The following SHC3 variants were observed in gnomAD, a reference collection of about 807,000 sequenced individuals.
SHC3 encodes the protein SHC-transforming protein 3.
Under a neutral mutation model 60.4 loss-of-function variants are expected in SHC3, and 15 were observed. The observed-to-expected ratio is 0.25, with a 90% confidence interval of 0.17 to 0.38. The LOEUF (loss-of-function observed/expected upper bound fraction) is 0.38, where lower values mean the gene tolerates loss of function less well. Among genes scored for constraint, SHC3 ranks in the 10% least tolerant of loss-of-function variants. The probability of loss-of-function intolerance (pLI) is 1.00; values close to 1 mark genes in which losing one functional copy is unlikely to be tolerated. For synonymous variants in SHC3, 294 were observed against 325.9 expected, an observed-to-expected ratio of 0.90 and a Z score of 1.05; for missense variants, 677 against 786.1, an observed-to-expected ratio of 0.86 and a Z score of 1.66.
At chr9:89,155,331 C>T (rs920153643) in intron 1 of SHC3, among the ~76,000 whole-genome samples, 3 of 152,182 alleles carry the variant, frequency 2.0e-5, no homozygotes, top group Non-Finnish European at 4.4e-5. Flanking sequence ...CTTCTCTCTC[C>T]TTGCTCTTAC....
intron 7 of SHC3, among the ~76,000 whole-genome samples, chr9:89,051,154 G>A (rs893735769): frequency 8.5e-5 from 13 of 152,162 alleles, no homozygotes; most frequent in Non-Finnish European, 1.6e-4. Flanking sequence ...TCTGACTCTA[G>A]AACTAAGGCA....
At chr9:89,016,781 T>C (rs1399382680) in intron 11 of SHC3, among the ~76,000 whole-genome samples, 3 of 152,154 alleles carry the variant, frequency 2.0e-5, no homozygotes, top group Non-Finnish European at 4.4e-5. Flanking sequence ...TATTGGCAAA[T>C]TGAACCCAAC....
In SHC3 at chr9:89,162,944, G is replaced by T. The variant is rs1587764189; in HGVS notation, c.474+15043C>A. Among the ~76,000 whole-genome samples the T allele has an allele frequency of 2.9e-5, 4 of 137,168 alleles. 1 individual carries two copies. The Admixed American group carries it at 3.0e-4, about 10-fold the overall frequency. The allele number at this position is 137,168 out of a possible 152,430, so 90.0% of individuals were successfully genotyped here. The stretch of plus-strand genomic sequence containing the variant: ...AAAAAGTGGGCGAAGGACATGAACA[G>T]ACACTTCTCAAAAGAAGACATTTAT... On this transcript the variant is annotated intron_variant, in intron 1 of 11. Coordinates refer to ENST00000375835, the MANE Select transcript of SHC3 (RefSeq NM_016848.6).
At chr9:89,073,973 C>T (rs1308676498) in intron 4 of SHC3, among the ~76,000 whole-genome samples, 4 of 152,114 alleles carry the variant, frequency 2.6e-5, no homozygotes, top group African/African-American at 9.7e-5. Flanking sequence ...TGAACTAGTC[C>T]CTTAGACAAG....
At chr9:89,036,057 A>C (rs1824573718) in intron 11 of SHC3, among the ~76,000 whole-genome samples, 1 of 152,106 alleles carries the variant, frequency 6.6e-6, no homozygotes, top group Admixed American at 6.6e-5. Context: ...CATCAAGCAC[A>C]AAGGGGGAAA....
At chr9:89,155,781 G>T (rs927356313) in intron 1 of SHC3, among the ~76,000 whole-genome samples, 14 of 152,088 alleles carry the variant, frequency 9.2e-5, no homozygotes, top group Admixed American at 9.2e-4. Context: ...CCCAGCTCTG[G>T]TTAACTGACT....
intron 1 of SHC3, among the ~76,000 whole-genome samples, chr9:89,136,806 C>A (rs1400191261): frequency 6.6e-6 from 1 of 151,686 alleles, no homozygotes; most frequent in Non-Finnish European, 1.5e-5. Flanking sequence ...TGGATTGGGA[C>A]CACTTTCAGG....
intron 2 of SHC3, among the ~76,000 whole-genome samples, chr9:89,078,175 C>CT (rs879883731): frequency 0.034 from 4,930 of 144,210 alleles, 217 homozygotes; most frequent in African/African-American, 0.1. Flanking sequence ...CAATGCTACA[C>CT]TTTTTTTTTT....
intron 2 of SHC3, among the ~76,000 whole-genome samples, chr9:89,084,508 G>A (rs993403580): frequency 1.3e-5 from 2 of 152,154 alleles, no homozygotes; most frequent in Admixed American, 1.3e-4. Flanking sequence ...CAAAATTGAG[G>A]CTAATTTTCC....
At chr9:89,046,077 C>A (rs1390342655) in intron 8 of SHC3, among the ~76,000 whole-genome samples, 2 of 130,994 alleles carry the variant, frequency 1.5e-5, no homozygotes, top group East Asian at 2.7e-4. Flanking sequence ...TTCATTACCC[C>A]CCCCACCCCT....
At chr9:89,065,986 C>G (rs1466959790) in intron 5 of SHC3, among the ~76,000 whole-genome samples, 1 of 152,174 alleles carries the variant, frequency 6.6e-6, no homozygotes, top group Non-Finnish European at 1.5e-5. Flanking sequence ...TGCAGATAAT[C>G]CCATTTAATT....
At chr9:89,089,064 G>A (rs553679961) in intron 2 of SHC3, 3 of 152,246 alleles carry the variant, frequency 2.0e-5, no homozygotes, top group Non-Finnish European at 2.9e-5. Flanking sequence ...TCGACTCGGT[G>A]GCACTGTTCT....
At chr9:89,109,606 G>C (rs1246994231) in intron 2 of SHC3, 1 of 985,480 alleles carries the variant, frequency 1.0e-6, no homozygotes, top group Non-Finnish European at 1.2e-6. Flanking sequence ...CAGTTGCGAA[G>C]CTGTGCTGAG....
At chr9:89,163,826 C>G (rs888765856) in intron 1 of SHC3, among the ~76,000 whole-genome samples, 1 of 151,742 alleles carries the variant, frequency 6.6e-6, no homozygotes, top group African/African-American at 2.4e-5. Context: ...GGAATCTGGA[C>G]ATCCTAGATC....
At chr9:89,082,586 C>T (rs1825462896) in intron 2 of SHC3, among the ~76,000 whole-genome samples, 1 of 152,166 alleles carries the variant, frequency 6.6e-6, no homozygotes, top group Non-Finnish European at 1.5e-5. Context: ...TGGGAGGACT[C>T]ACAGGCCACT....
chr9:89,169,079 T>C (rs1826832138), intron 1 of SHC3, among the ~76,000 whole-genome samples: 1 of 152,204 alleles, frequency 6.6e-6, no homozygotes, highest in South Asian at 2.1e-4. Flanking sequence ...GCCAATTCCT[T>C]ATAATAAATC....
At chr9:89,175,078 T>C (rs1343785288) in intron 1 of SHC3, among the ~76,000 whole-genome samples, 2 of 152,258 alleles carry the variant, frequency 1.3e-5, no homozygotes, top group African/African-American at 4.8e-5. Flanking sequence ...TCAAATACTT[T>C]TAAAATGGAA....
At chr9:89,026,254 CAAAA>C (rs67891062) in intron 11 of SHC3, among the ~76,000 whole-genome samples, 2,927 of 102,136 alleles carry the variant, frequency 0.029, 92 homozygotes, top group African/African-American at 0.1. Flanking sequence ...AACTACATCT[CAAAA>C]AAAAAAAAAA....
In SHC3 at chr9:89,084,790, T is replaced by C. The variant is rs558805215; in HGVS notation, c.546-6887A>G. On this transcript the variant is annotated intron_variant, in intron 2 of 11. Transcript: ENST00000375835. ...GTAAATGAGCCAAGTTCTCAGGCAA[T>C]GAGGAAGAAGCCTCCAATCTGTGCT... Among the ~76,000 whole-genome samples the C allele has an allele frequency of 2.6e-5, 4 of 152,272 alleles. No individual in the cohort carries two copies. In the East Asian group the frequency reaches 7.7e-4, roughly 29 times the overall value.
Sources: allele counts gnomAD v4.1 joint callset (sites outside exome capture counted in the v4.1 genomes callset), GRCh38; gene constraint gnomAD v4.1.1; transcripts MANE v1.5; gene names NCBI Gene and HGNC (gene_info 2026-07-23, HGNC 2026-07-21).